The following SPAG16 variants were observed in gnomAD, a reference collection of about 807,000 sequenced individuals.
The protein encoded by SPAG16 is sperm-associated antigen 16 protein.
Under a neutral mutation model 80.4 loss-of-function variants are expected in SPAG16, and 86 were observed. The observed-to-expected ratio is 1.07, with a 90% confidence interval of 0.90 to 1.28. The LOEUF is 1.28. SPAG16 is among the 50% of genes most tolerant of loss of function. The probability of loss-of-function intolerance (pLI) is 0.00; values close to 1 mark genes in which losing one functional copy is unlikely to be tolerated. For synonymous variants in SPAG16, 294 were observed against 265.9 expected (o/e 1.11, Z -1.03); for missense variants, 870 against 765.3 (o/e 1.14, Z -1.61).
chr2:213,906,014 G>C (rs1040046555), intron 11 of SPAG16, among the ~76,000 whole-genome samples: 1 of 152,144 alleles, frequency 6.6e-6, no homozygotes, highest in African/African-American at 2.4e-5. Flanking sequence ...TTCCTGTCTT[G>C]AAATATCTTA....
At chr2:213,833,495 A>ATTATATATAT (rs2073845104) in intron 10 of SPAG16, among the ~76,000 whole-genome samples, 1 of 1,498 alleles carries the variant, frequency 6.7e-4, no homozygotes, top group African/African-American at 1.0e-3. Flanking sequence ...ATTATATATA[A>ATTATATATAT]TATATATATT....
At chr2:213,465,777 A>C (rs1438042678) in intron 9 of SPAG16, among the ~76,000 whole-genome samples, 1 of 152,182 alleles carries the variant, frequency 6.6e-6, no homozygotes, top group Non-Finnish European at 1.5e-5. Context: ...CCACTAAATC[A>C]AGTTCCTTGC....
intron 10 of SPAG16, among the ~76,000 whole-genome samples, chr2:213,510,555 G>A (rs780344496): frequency 4.6e-5 from 7 of 152,120 alleles, no homozygotes; most frequent in East Asian, 3.9e-4. Flanking sequence ...TATTTGACTC[G>A]GATATATGTA....
intron 13 of SPAG16, among the ~76,000 whole-genome samples, chr2:214,106,521 T>C (rs2053392057): frequency 6.6e-6 from 1 of 152,184 alleles, no homozygotes; most frequent in Non-Finnish European, 1.5e-5. Context: ...ATTGATTCTT[T>C]AAATTGATAT....
intron 12 of SPAG16, among the ~76,000 whole-genome samples, chr2:214,003,144 C>A (rs1026590169): frequency 6.6e-6 from 1 of 152,076 alleles, no homozygotes; most frequent in East Asian, 1.9e-4. Flanking sequence ...CCCGTGTGAA[C>A]CAGTACGAGT....
At chr2:214,262,408 G>A (rs1052117964) in intron 15 of SPAG16, among the ~76,000 whole-genome samples, 4 of 151,846 alleles carry the variant, frequency 2.6e-5, no homozygotes, top group Non-Finnish European at 4.4e-5. Flanking sequence ...CGTAAAAAAA[G>A]ATTTCATGTA....
chr2:213,723,689 C>T (rs771929706), intron 10 of SPAG16, among the ~76,000 whole-genome samples: 16 of 152,180 alleles, frequency 1.1e-4, no homozygotes, highest in Non-Finnish European at 1.9e-4. Context: ...CAGATCACCT[C>T]AGCTAATAGA....
intron 10 of SPAG16, among the ~76,000 whole-genome samples, chr2:213,794,258 A>G (rs1354352169): frequency 6.6e-6 from 1 of 152,132 alleles, no homozygotes; most frequent in East Asian, 1.9e-4. Context: ...AAAAAAGTCA[A>G]TATTTTCAGC....
intron 9 of SPAG16, among the ~76,000 whole-genome samples, chr2:213,423,657 G>A (rs1249124282): frequency 2.0e-5 from 3 of 152,128 alleles, no homozygotes; most frequent in South Asian, 2.1e-4. Context: ...CACTATTAAC[G>A]AAAGACAGTT....
chr2:214,315,609 G>A (rs1695633106), intron 15 of SPAG16, among the ~76,000 whole-genome samples: 1 of 151,982 alleles, frequency 6.6e-6, no homozygotes, highest in East Asian at 1.9e-4. Flanking sequence ...ACAGCTCCCT[G>A]CAACCTTGAA....
intron 13 of SPAG16, among the ~76,000 whole-genome samples, chr2:214,074,967 A>C (rs1419140016): frequency 3.3e-5 from 5 of 152,166 alleles, no homozygotes. Context: ...CAACAACTTT[A>C]AATTTCCATC....
At chr2:213,289,277 A>C (rs996617458) in intron 1 of SPAG16, among the ~76,000 whole-genome samples, 3 of 152,186 alleles carry the variant, frequency 2.0e-5, no homozygotes, top group African/African-American at 7.2e-5. Flanking sequence ...ATATCTTTGG[A>C]TCTCCTGGCT....
At chr2:214,148,600 TTC>T (rs2055782845) in intron 14 of SPAG16, among the ~76,000 whole-genome samples, 1 of 152,170 alleles carries the variant, frequency 6.6e-6, no homozygotes, top group Admixed American at 6.6e-5. Context: ...TGCGATATTC[TTC>T]TCTCACTGTG....
intron 11 of SPAG16, among the ~76,000 whole-genome samples, chr2:213,894,278 A>T (rs2106093389): frequency 6.6e-6 from 1 of 152,274 alleles, no homozygotes; most frequent in Admixed American, 6.5e-5. Context: ...GAGTGCAAGG[A>T]TGGTTCAGCA....
At chr2:214,221,361 A>T (rs886731489) in intron 15 of SPAG16, among the ~76,000 whole-genome samples, 3 of 151,982 alleles carry the variant, frequency 2.0e-5, no homozygotes, top group Admixed American at 6.6e-5. Flanking sequence ...GTTGTGCTCC[A>T]TTCTTTTCTC....
At chr2:214,232,936 TATCTA>T (rs1688801473) in intron 15 of SPAG16, among the ~76,000 whole-genome samples, 2 of 151,958 alleles carry the variant, frequency 1.3e-5, no homozygotes, top group South Asian at 4.1e-4. Context: ...AAATGTAGCA[TATCTA>T]TGCAATGCAA....
intron 4 of SPAG16, among the ~76,000 whole-genome samples, chr2:213,315,037 T>C (rs2063343591): frequency 6.6e-6 from 1 of 151,420 alleles, no homozygotes. Flanking sequence ...TATGTAACAT[T>C]ATTATGATTT....
At chr2:213,603,933 T>C (rs1404566160) in intron 10 of SPAG16, among the ~76,000 whole-genome samples, 3 of 152,032 alleles carry the variant, frequency 2.0e-5, no homozygotes, top group Non-Finnish European at 2.9e-5. Context: ...TGGTTTTTTT[T>C]TTTTTTTTGA....
chr2:214,373,443 T>C (rs912851849), intron 15 of SPAG16, among the ~76,000 whole-genome samples: 9 of 152,158 alleles, frequency 5.9e-5, no homozygotes, highest in African/African-American at 2.2e-4. Flanking sequence ...CCAAAGGTAG[T>C]GTATTTGTGT....
Sources: gnomAD v4.1 joint callset for allele counts (sites outside exome capture counted in the v4.1 genomes callset) on GRCh38, gnomAD v4.1.1 for gene constraint, MANE v1.5 for transcripts, NCBI Gene and HGNC (gene_info 2026-07-23, HGNC 2026-07-21) for gene names.